The following SAGE1 variants were observed in gnomAD, a reference collection of about 807,000 sequenced individuals.
SAGE1 encodes sarcoma antigen 1.
Under a neutral mutation model 55.4 loss-of-function variants are expected in SAGE1, and 55 were observed. The ratio of observed to expected loss-of-function variants is 0.99; its 90% CI spans 0.80 to 1.24. The LOEUF (loss-of-function observed/expected upper bound fraction) is 1.24. Among genes scored for constraint, SAGE1 ranks in the 50% most tolerant of loss-of-function variants. The pLI, the probability that SAGE1 is intolerant of heterozygous loss-of-function variation, is 0.00. For synonymous variants in SAGE1, 240 were observed against 244.3 expected (o/e 0.98, Z 0.17); for missense variants, 710 against 704.4 (o/e 1.01, Z -0.09).
intron 2 of SAGE1, among the ~76,000 whole-genome samples, chrX:135,898,745 G>C (rs1242358679): frequency 8.9e-6 from 1 of 112,187 alleles, no homozygotes; most frequent in African/African-American, 3.2e-5. Flanking sequence ...AATGATCAGT[G>C]ATGTTGAGCT....
chrX:135,905,186 G>C, intron 4 of SAGE1, 66 bp from the exon 5 acceptor site: 2 of 1,035,624 alleles, frequency 1.9e-6, no homozygotes, highest in South Asian at 4.5e-5. Context: ...AGCATCAGTG[G>C]GATATACTGG....
In SAGE1 at chrX:135,909,655, A is replaced by G. The variant is rs1380106143; in HGVS notation, c.1599A>G (p.Gln533=). Residue 533 remains glutamine (Q), a synonymous_variant, in exon 14 of 20, where the codon CAA becomes CAG. Transcript: ENST00000370709. ...STKDLYATVT[Q]NVHEERMENN... is the part of the protein sequence containing the mutation. ...GGTTTCCAGATGCTACCGTCACTCAAAATGTCCATGAAGAGAGGATGGAAA... is the reference window on the plus strand; with the variant it reads ...GGTTTCCAGATGCTACCGTCACTCAGAATGTCCATGAAGAGAGGATGGAAA... 8.4e-7 allele frequency: 1 copy of G among 1,192,697 alleles called. No homozygotes were observed. The highest frequency in any genetic ancestry group is 1.1e-6 in the Non-Finnish European group (1 of 886,104).
At position 135,908,993 on chromosome X, in the gene SAGE1, C is replaced by T. The variant is rs782325906; in HGVS notation, c.1571C>T (p.Thr524Ile). ...MAAGGIPSMS[T>I]KDLYATVTQN... ...GCAGGTGGTATTCCATCCATGAGTA[C>T]CAAGGATCTGTGTATGTCTGTTAAT... The change falls in exon 13 of 20, where the codon ACC (threonine) becomes ATC (isoleucine). Residue 524 changes from threonine (T) to isoleucine (I), a missense_variant. By Grantham distance (89) the Thr-to-Ile change is moderately conservative. Transcript: ENST00000370709. 54 of 1,205,620 alleles carry T rather than the reference C, an allele frequency of 4.5e-5. No individual in the cohort carries two copies. In the South Asian group the frequency reaches 9.2e-4, roughly 21 times the overall value.
At chrX:135,904,397 A>G in intron 3 of SAGE1, 80 bp from the exon 4 acceptor site, 2 of 580,700 alleles carry the variant, frequency 3.4e-6, no homozygotes, top group Non-Finnish European at 5.8e-6. Context: ...TTTCCTAGAT[A>G]CTGAGCATCA....
chrX:135,909,360 G>T (rs1346123678), intron 13 of SAGE1, among the ~76,000 whole-genome samples: 1 of 112,097 alleles, frequency 8.9e-6, no homozygotes, highest in East Asian at 2.8e-4. Flanking sequence ...TGTCACAGGG[G>T]CTGGTATTCC....
chrX:135,911,712 G>A lies in SAGE1; in HGVS notation c.2280G>A (p.Leu760=). Residue 760 remains leucine, a synonymous_variant, in exon 18 of 20, where the codon TTG becomes TTA. Transcript: ENST00000370709. Reference sequence around the variant, plus strand: ...GACATTGTATGCCACCCAATGCATTGGATTCTTTCTCTCACGACTTCACAA... The same window carrying A: ...GACATTGTATGCCACCCAATGCATTAGATTCTTTCTCTCACGACTTCACAA... The part of the protein sequence containing the change: ...MTGHCMPPNA[L]DSFSHDFTSL... 1 of 1,209,873 alleles carries A rather than the reference G, an allele frequency of 8.3e-7. No homozygotes were observed.
rs782419763 is a variant in SAGE1 at position 135,906,506 on chromosome X, A to G, written c.691A>G (p.Asn231Asp). ...VLLTLRPRRI[N>D]MTDTGISPMS... ...GTTGACTCTTCGACCACGGCGTATT[A>G]ATATGACAGACACTGGTATTTCACC... Residue 231 changes from asparagine to aspartate, a missense_variant, in exon 7 of 20, where the codon AAT becomes GAT. By Grantham distance (23) the Asn-to-Asp change is conservative (BLOSUM62 1). Transcript: ENST00000370709. The G allele has an allele frequency of 1.5e-5, 18 of 1,209,275 alleles. No individual in the cohort carries two copies. The highest frequency in any genetic ancestry group is 1.8e-5 in the Non-Finnish European group (16 of 894,303).
Position 135,907,728 on chromosome X carries a change from AAG to A in SAGE1, c.1053_1054del (p.Arg351SerfsTer4). ...GCTACCATCACTCACAATGTCTGTGAAGAGAGAGTGGTAAATAACCAACCACT... is the reference window on the plus strand; with the variant it reads ...GCTACCATCACTCACAATGTCTGTGAAGAGAGTGGTAAATAACCAACCACT... On this transcript the variant is annotated frameshift_variant, in exon 10 of 20. Transcript: ENST00000370709. LOFTEE classifies it high-confidence loss of function. The A allele has an allele frequency of 8.3e-7, 1 of 1,210,078 alleles. No individual in the cohort carries two copies. The highest frequency in any genetic ancestry group is 1.1e-6 in the Non-Finnish European group (1 of 894,234).
Position 135,912,343 on chromosome X carries a change from G to T in SAGE1, c.2544G>T (p.Leu848Phe), listed in dbSNP as rs782688864. 7 of 1,191,592 alleles carry T rather than the reference G, an allele frequency of 5.9e-6. No individual in the cohort carries two copies. In the South Asian group the frequency reaches 7.5e-5, roughly 13 times the overall value. Residue 848 changes from leucine to phenylalanine, a missense_variant, in exon 19 of 20, where the codon TTG becomes TTT. Leu to Phe is a conservative substitution (Grantham distance 22). Transcript: ENST00000370709. ...FGQNYERIFI[L>F]LEEVQGSMKV... ...CAGATTATGAAAGAATTTTCATTTT[G>T]CTTGAAGAGGTACAAGGATCTATGA... is the stretch of plus-strand genomic sequence containing the variant.
rs41301507 is a variant in SAGE1 at position 135,907,841 on chromosome X, C to T, written c.1159C>T (p.His387Tyr). ...DMPAMSTRDQ[H>Y]ATIIHNLREE... ...GCCAGCCATGAGTACCAGGGATCAGCGTAAGTTTGTTTACTAGTTGTGGTG... is the reference window on the plus strand; with the variant it reads ...GCCAGCCATGAGTACCAGGGATCAGTGTAAGTTTGTTTACTAGTTGTGGTG... Residue 387 changes from histidine to tyrosine, a missense_variant and splice_region_variant, in exon 10 of 20, where the codon CAT (histidine) becomes TAT (tyrosine). His to Tyr is a moderately conservative substitution (Grantham distance 83). Transcript: ENST00000370709. The T allele has an allele frequency of 0.071, 85,614 of 1,203,347 alleles. 2,178 individuals carry two copies. The highest frequency in any genetic ancestry group is 0.08 in the South Asian group (4,462 of 55,982).
chrX:135,898,298 C>T (rs1448800768), intron 2 of SAGE1, among the ~76,000 whole-genome samples: 1 of 112,186 alleles, frequency 8.9e-6, no homozygotes, highest in South Asian at 3.7e-4. Flanking sequence ...GGATTACAGG[C>T]GTGAGCCACC....
Position 135,911,242 on chromosome X carries a change from C to T in SAGE1, c.2056C>T (p.Gln686Ter). ...TGAGGAGAAGATGACAAATGGCCAA[C>T]AGGCACCTGATAACTCCTTGTCAAC... ...VHEEKMTNGQ[Q>*]APDNSLSTVP... Residue 686 changes from glutamine to a stop codon, truncating the protein, a stop_gained, in exon 17 of 20, where the codon CAG becomes TAG. Coordinates refer to ENST00000370709, the MANE Select transcript of SAGE1 (RefSeq NM_001381902.1). LOFTEE classifies it high-confidence loss of function. 1 of 1,209,232 alleles carries T rather than the reference C, an allele frequency of 8.3e-7. No individual in the cohort carries two copies. Among genetic ancestry groups the T allele is most frequent in the Non-Finnish European group, 1.1e-6 (1 of 893,138 alleles).
In SAGE1 at chrX:135,907,946, A is replaced by G. The variant is rs182597516; in HGVS notation, c.1159+105A>G. 623 of 1,068,416 alleles carry G rather than the reference A, an allele frequency of 5.8e-4. 2 individuals carry two copies. In the African/African-American group the frequency reaches 0.011, roughly 19 times the overall value. The allele number at this position is 1,068,416 out of a possible 1,213,427, so 88.0% of individuals were successfully genotyped here. On this transcript the variant is annotated intron_variant, in intron 10 of 19. Transcript: ENST00000370709. ...TGTTGTATTATGTTTTCTGGCCTCA[A>G]TTTTAGGGTTTTCAATTGCTCCCTG... is the stretch of plus-strand genomic sequence containing the variant.
chrX:135,904,039 A>AAT (rs1459496936), intron 3 of SAGE1, among the ~76,000 whole-genome samples: 1 of 111,796 alleles, frequency 8.9e-6, no homozygotes, highest in Non-Finnish European at 1.9e-5. Flanking sequence ...GATGGGACAA[A>AAT]ACACACCTAT....
rs782818186 is a variant in SAGE1, at chrX:135,907,301, TTTG to T, written c.878-9_878-7del. On this transcript the variant is annotated splice_polypyrimidine_tract_variant and intron_variant, in intron 8 of 19. Coordinates refer to ENST00000370709, the MANE Select transcript of SAGE1 (RefSeq NM_001381902.1). ...ACTTACTCACAGCTCAACCTCTTCA[TTTG>T]TTTTCCAGATTCCACCGTCCCTCAC... The T allele has an allele frequency of 3.3e-6, 4 of 1,201,941 alleles. No individual in the cohort carries two copies. The highest frequency in any genetic ancestry group is 4.5e-6 in the Non-Finnish European group (4 of 890,921).
At chrX:135,894,031 G>A (rs1395863391) in intron 1 of SAGE1, among the ~76,000 whole-genome samples, 5 of 111,668 alleles carry the variant, frequency 4.5e-5, no homozygotes, top group African/African-American at 1.3e-4. Flanking sequence ...ATAGTCCTAA[G>A]TCGATTTTCT....
chrX:135,895,231 G>A (rs1556592718), intron 1 of SAGE1, among the ~76,000 whole-genome samples: 1 of 111,573 alleles, frequency 9.0e-6, no homozygotes, highest in Non-Finnish European at 1.9e-5. Flanking sequence ...TTGCACACAC[G>A]AATACTATAT....
Position 135,911,617 on chromosome X carries a change from G to A in SAGE1, c.2185G>A (p.Glu729Lys). 1.7e-6 allele frequency: 2 copies of A among 1,208,671 alleles called. No homozygotes were observed. The highest frequency in any genetic ancestry group is 2.2e-6 in the Non-Finnish European group (2 of 893,130). ...VIHDIQEEEMENDQTPPDGFL... is the reference protein window; with the variant it reads ...VIHDIQEEEMKNDQTPPDGFL... Reference sequence around the variant, plus strand: ...TCACGATATCCAGGAGGAGGAGATGGAAAATGATCAAACCCCTCCTGATGG... The same window carrying A: ...TCACGATATCCAGGAGGAGGAGATGAAAAATGATCAAACCCCTCCTGATGG... The change falls in exon 18 of 20, where the codon GAA (glutamate) becomes AAA (lysine). Residue 729 changes from glutamate (E) to lysine (K), a missense_variant. Glu to Lys is a moderately conservative substitution (Grantham distance 56). Coordinates refer to ENST00000370709, the MANE Select transcript of SAGE1 (RefSeq NM_001381902.1).
Position 135,909,965 on chromosome X carries a change from G to A in SAGE1, c.1724-65G>A. ...TTTTCTAGAAGCTGAGCATCAGGAA[G>A]ATATACCTGTGGGGTTGACATAATG... On this transcript the variant is annotated intron_variant, in intron 14 of 19. Coordinates refer to ENST00000370709, the MANE Select transcript of SAGE1 (RefSeq NM_001381902.1). 4 of 1,106,482 alleles carry A rather than the reference G, an allele frequency of 3.6e-6. No individual in the cohort carries two copies. In the South Asian group the frequency reaches 6.1e-5, roughly 17 times the overall value. 91.2% of individuals were successfully genotyped at this position (1,106,482 alleles called of 1,213,427 possible). A position where few individuals can be genotyped will look rare whatever the true frequency, so the allele number is the denominator to read the frequency against.
Sources: allele counts gnomAD v4.1 joint callset (sites outside exome capture counted in the v4.1 genomes callset), GRCh38; gene constraint gnomAD v4.1.1; transcripts MANE v1.5; gene names NCBI Gene and HGNC (gene_info 2026-07-23, HGNC 2026-07-21).